Variants in ASAP2 observed in about 807,000 individuals in gnomAD.
ASAP2 encodes the protein arf-GAP with SH3 domain, ANK repeat and PH domain-containing protein 2.
ASAP2 carries 45 observed loss-of-function variants against 131.4 expected under a neutral mutation model. The observed-to-expected ratio is 0.34, with a 90% CI of 0.27 to 0.44. ASAP2 has a LOEUF of 0.44. Ranked by LOEUF, ASAP2 falls within the 20% of genes least tolerant of loss-of-function variation. ASAP2 has a pLI of 1.00. For missense variants in ASAP2, 1,011 were observed against 1,297.0 expected, an observed-to-expected ratio of 0.78 and a Z score of 3.39; for synonymous variants, 510 against 503.0, an observed-to-expected ratio of 1.01 and a Z score of -0.19.
At chr2:9,254,525 GGATTT>G (rs1158583181) in intron 1 of ASAP2, among the ~76,000 whole-genome samples, 12 of 81,286 alleles carry the variant, frequency 1.5e-4, no homozygotes, top group Non-Finnish European at 2.4e-4. Flanking sequence ...GCTAATTTTT[GGATTT>G]TTTTTTTTTT....
At chr2:9,356,754 C>G (rs143373289) in intron 14 of ASAP2, among the ~76,000 whole-genome samples, 1 of 152,140 alleles carries the variant, frequency 6.6e-6, no homozygotes, top group South Asian at 2.1e-4. Context: ...AGCTTTAAGC[C>G]GCTGTCTGGC....
rs1476687384 is a variant in ASAP2, at chr2:9,405,343, G to T, written c.*2016G>T. On this transcript the variant is annotated 3_prime_UTR_variant, in exon 28 of 28. Coordinates refer to ENST00000281419, the MANE Select transcript of ASAP2 (RefSeq NM_003887.3). ...TTTATATTTAAAGTTTATGTTTCATGAACTGCAGCTGCAGGATTCTGGCAT... is the reference window on the plus strand; with the variant it reads ...TTTATATTTAAAGTTTATGTTTCATTAACTGCAGCTGCAGGATTCTGGCAT... The T allele has an allele frequency of 6.6e-6, 1 of 152,596 alleles. No individual in the cohort carries two copies. Among genetic ancestry groups the T allele is most frequent in the South Asian group, 2.1e-4 (1 of 4,830 alleles). The allele number at this position is 152,596 out of a possible 1,614,324, so 9.5% of individuals were successfully genotyped here.
intron 2 of ASAP2, among the ~76,000 whole-genome samples, chr2:9,296,142 C>T (rs1668136416): frequency 6.6e-6 from 1 of 152,184 alleles, no homozygotes; most frequent in African/African-American, 2.4e-5. Context: ...GGTCTGGCTG[C>T]CCTGTTGTGC....
chr2:9,401,387 G>T lies in ASAP2; in HGVS notation c.2937G>T (p.Gln979His), dbSNP rs377390154. ...TCATCGTGGACGGGGAGGAGGACCA[G>T]GAGTGGTGGGTGAGTCAAGGGTGGG... ...DVIIVDGEED[Q>H]EWWIGHIDGD... Residue 979 changes from glutamine (Q) to histidine (H), a missense_variant, in exon 27 of 28, where the codon CAG (glutamine) becomes CAT (histidine). Transcript: ENST00000281419. 4 of 1,613,386 alleles carry T rather than the reference G, an allele frequency of 2.5e-6. No individual in the cohort carries two copies. In the African/African-American group the frequency reaches 4.0e-5, roughly 16 times the overall value.
At chr2:9,316,243 G>A (rs1468461411) in intron 3 of ASAP2, among the ~76,000 whole-genome samples, 3 of 152,076 alleles carry the variant, frequency 2.0e-5, no homozygotes, top group South Asian at 4.2e-4. Context: ...GATCGCCTGA[G>A]CTCAAGAAGT....
chr2:9,341,727 A>G (rs56726319), intron 9 of ASAP2, among the ~76,000 whole-genome samples: 3,118 of 152,244 alleles, frequency 0.02, 113 homozygotes, highest in African/African-American at 0.071. Flanking sequence ...TTCCTTCCAC[A>G]GCATTGTTCT....
At chr2:9,402,681 A>G (rs1437787778) in intron 27 of ASAP2, among the ~76,000 whole-genome samples, 3 of 151,400 alleles carry the variant, frequency 2.0e-5, no homozygotes, top group African/African-American at 7.3e-5. Flanking sequence ...CCCCCCACCC[A>G]CTCCACAAAA....
intron 1 of ASAP2, among the ~76,000 whole-genome samples, chr2:9,267,989 C>T (rs919126276): frequency 2.6e-5 from 4 of 151,838 alleles, no homozygotes; most frequent in East Asian, 1.9e-4. Flanking sequence ...CCCATCGTAA[C>T]GCCCTCAGAA....
chr2:9,339,624 G>A (rs908370964), intron 9 of ASAP2, among the ~76,000 whole-genome samples: 1 of 152,058 alleles, frequency 6.6e-6, no homozygotes, highest in African/African-American at 2.4e-5. Context: ...ATGGTGTCGC[G>A]CTCTTAGAGG....
rs79908288 is a variant in ASAP2, at chr2:9,341,746, T to C, written c.850-2786T>C. ...TTCCACAGCATTGTTCTCAGCAACG[T>C]TGAAAGCTGGATTTGCTCTAAATTT... On this transcript the variant is annotated intron_variant, in intron 9 of 27. Transcript: ENST00000281419. 9.8e-3 allele frequency among the ~76,000 whole-genome samples: 1,496 copies of C among 152,308 alleles called. 30 individuals carry two copies. The highest frequency in any genetic ancestry group is 0.034 in the African/African-American group (1,422 of 41,556).
At position 9,385,246 on chromosome 2, in the gene ASAP2, T is replaced by C; in HGVS notation, c.2018T>C (p.Leu673Pro). The C allele has an allele frequency of 6.2e-7, 1 of 1,611,922 alleles. No individual in the cohort carries two copies. The highest frequency in any genetic ancestry group is 8.5e-7 in the Non-Finnish European group (1 of 1,177,916). Residue 673 changes from leucine to proline, a missense_variant and splice_region_variant, in exon 21 of 28, where the codon CTG becomes CCG. This residue lies in a region of ASAP2 where 652 missense variants were observed against 698.9 expected (regional missense o/e 0.93). Coordinates refer to ENST00000281419, the MANE Select transcript of ASAP2 (RefSeq NM_003887.3). The stretch of plus-strand genomic sequence containing the variant: ...CTGACCATCCCTCTGTTCTCTCAGC[T>C]GACCCAAGCCTTATCTGGAAGATTT... ...RLKHEHCEELLTQALSGRFNS... is the reference protein window; with the variant it reads ...RLKHEHCEELPTQALSGRFNS...
At chr2:9,212,863 C>T (rs1019074155) in intron 1 of ASAP2, among the ~76,000 whole-genome samples, 1 of 152,194 alleles carries the variant, frequency 6.6e-6, no homozygotes, top group Non-Finnish European at 1.5e-5. Context: ...TCTCCACGTA[C>T]ACCACAGGCA....
chr2:9,258,745 A>G (rs1572274299), intron 1 of ASAP2, among the ~76,000 whole-genome samples: 1 of 152,342 alleles, frequency 6.6e-6, no homozygotes, highest in East Asian at 1.9e-4. Context: ...TATTCCACAG[A>G]TCAGCTTCAG....
Position 9,279,370 on chromosome 2 carries a change from A to G in ASAP2, c.180A>G (p.Ala60=), listed in dbSNP as rs766277322. The G allele has an allele frequency of 5.5e-5, 89 of 1,614,048 alleles. 1 individual carries two copies. Among genetic ancestry groups the G allele is most frequent in the Non-Finnish European group, 6.9e-5 (82 of 1,180,008 alleles). ...VLYKMKKSVK[A]INSSGLAHVE... ...ACAAAATGAAGAAATCCGTGAAAGC[A>G]ATCAACAGCTCTGGGCTGGGTGAGT... is the stretch of plus-strand genomic sequence containing the variant. The change falls in exon 2 of 28, where the codon GCA becomes GCG. Residue 60 remains alanine (A), a synonymous_variant. Coordinates refer to ENST00000281419, the MANE Select transcript of ASAP2 (RefSeq NM_003887.3).
At chr2:9,208,097 AC>A (rs1661265683) in intron 1 of ASAP2, among the ~76,000 whole-genome samples, 1 of 152,186 alleles carries the variant, frequency 6.6e-6, no homozygotes, top group Admixed American at 6.5e-5. Flanking sequence ...GGTTTGAGGC[AC>A]ATCCTCACCT....
rs572146691 is a variant in ASAP2 at position 9,245,271 on chromosome 2, C to G, written c.127-34046C>G. On this transcript the variant is annotated intron_variant, in intron 1 of 27. Transcript: ENST00000281419. ...TTGAGGAGGGTGTTGGTGTGACTATCGAATTGTCAGTGCCAGTGTGTTGCT... is the reference window on the plus strand; with the variant it reads ...TTGAGGAGGGTGTTGGTGTGACTATGGAATTGTCAGTGCCAGTGTGTTGCT... 2.6e-5 allele frequency among the ~76,000 whole-genome samples: 4 copies of G among 152,208 alleles called. No individual in the cohort carries two copies. In the South Asian group the frequency reaches 6.2e-4, roughly 24 times the overall value.
At chr2:9,259,355 C>T (rs756078741) in intron 1 of ASAP2, among the ~76,000 whole-genome samples, 15 of 152,222 alleles carry the variant, frequency 9.9e-5, no homozygotes, top group Non-Finnish European at 2.1e-4. Flanking sequence ...CTCCCTTCTG[C>T]GCCATCCTGC....
intron 12 of ASAP2, among the ~76,000 whole-genome samples, chr2:9,355,204 T>C (rs1254496959): frequency 1.3e-5 from 2 of 152,228 alleles, no homozygotes; most frequent in African/African-American, 4.8e-5. Flanking sequence ...CCAAATGTCC[T>C]TTTTTCTGTT....
chr2:9,375,044 A>T, intron 17 of ASAP2, 100 bp downstream of exon 17: 2 of 969,472 alleles, frequency 2.1e-6, no homozygotes, highest in Admixed American at 3.6e-5. Context: ...GCCAAGGCGG[A>T]GGATCCTTTG....
Sources: allele counts gnomAD v4.1 joint callset (sites outside exome capture counted in the v4.1 genomes callset), GRCh38; gene constraint gnomAD v4.1.1; regional missense constraint gnomAD v4.1.1; transcripts MANE v1.5; gene names NCBI Gene and HGNC (gene_info 2026-07-23, HGNC 2026-07-21).